NUP210L: variants seen among roughly 807,000 people sequenced by gnomAD.
NUP210L encodes the protein nuclear pore membrane glycoprotein 210-like.
NUP210L carries 74 observed loss-of-function variants against 208.5 expected under a neutral mutation model. The ratio of observed to expected loss-of-function variants is 0.35; its 90% CI spans 0.29 to 0.43. The LOEUF is 0.43. Ranked by LOEUF, NUP210L falls within the 20% of genes least tolerant of loss-of-function variation. The pLI is 1.00. For missense variants in NUP210L, 1,843 were observed against 2,289.4 expected, an observed-to-expected ratio of 0.81 and a Z score of 3.98; for synonymous variants, 780 against 816.9, an observed-to-expected ratio of 0.95 and a Z score of 0.77.
At chr1:154,014,421 T>C (rs966434109) in intron 33 of NUP210L, among the ~76,000 whole-genome samples, 61 of 152,070 alleles carry the variant, frequency 4.0e-4, no homozygotes, top group Admixed American at 2.0e-4. Flanking sequence ...CCCTTCTCAG[T>C]CTCTTTTTCT....
chr1:154,034,591 A>G (rs1175435847), intron 27 of NUP210L, among the ~76,000 whole-genome samples: 1 of 152,120 alleles, frequency 6.6e-6, no homozygotes, highest in African/African-American at 2.4e-5. Flanking sequence ...GGCCTCCCAA[A>G]GTGCTGGGAT....
intron 37 of NUP210L, among the ~76,000 whole-genome samples, chr1:153,999,459 C>T (rs937828617): frequency 1.3e-5 from 2 of 152,040 alleles, no homozygotes; most frequent in Non-Finnish European, 2.9e-5. Context: ...TAAGATTGGC[C>T]GGGTGCGGTG....
At chr1:154,100,168 G>A in intron 13 of NUP210L, 25 bp from the exon 14 acceptor site, 1 of 1,612,618 alleles carries the variant, frequency 6.2e-7, no homozygotes, top group Admixed American at 1.7e-5. Flanking sequence ...CCATGATTTT[G>A]GCAGGGCGTG....
chr1:154,056,313 CAT>C (rs949264004), intron 23 of NUP210L, among the ~76,000 whole-genome samples: 7 of 152,138 alleles, frequency 4.6e-5, no homozygotes, highest in Non-Finnish European at 8.8e-5. Context: ...CACCACTACA[CAT>C]GTTTTTCCAA....
chr1:154,104,669 T>A (rs1157100465), intron 12 of NUP210L: 2 of 152,774 alleles, frequency 1.3e-5, no homozygotes, highest in African/African-American at 4.8e-5. Flanking sequence ...GGAAGGAGCA[T>A]TTAGACCAGC....
chr1:154,153,891 T>A (rs1659544849), intron 1 of NUP210L, among the ~76,000 whole-genome samples: 1 of 151,986 alleles, frequency 6.6e-6, no homozygotes, highest in African/African-American at 2.4e-5. Flanking sequence ...AAATGAGAGG[T>A]GAATTTATAC....
At chr1:154,030,007 A>G (rs1227245839) in exon 28 of NUP210L, 3 of 1,610,770 alleles carry the variant, frequency 1.9e-6, no homozygotes, top group Non-Finnish European at 2.5e-6. Flanking sequence ...CTGCTTTTGT[A>G]TGGACAACCA....
At chr1:154,131,392 C>A (rs942985926) in intron 7 of NUP210L, among the ~76,000 whole-genome samples, 1 of 152,028 alleles carries the variant, frequency 6.6e-6, no homozygotes, top group Admixed American at 6.6e-5. Flanking sequence ...CTTCTGATAT[C>A]GGAATAAGAT....
chr1:154,049,232 G>C (rs937485744), intron 25 of NUP210L, among the ~76,000 whole-genome samples: 1 of 152,072 alleles, frequency 6.6e-6, no homozygotes, highest in Non-Finnish European at 1.5e-5. Flanking sequence ...GACAACCTGG[G>C]ACTATTCAAC....
chr1:153,994,337 C>T (rs192562373), intron 38 of NUP210L, among the ~76,000 whole-genome samples: 11 of 150,998 alleles, frequency 7.3e-5, no homozygotes, highest in East Asian at 5.9e-4. Context: ...TTTTTTGAAA[C>T]GGAGTCTTGC....
intron 33 of NUP210L, among the ~76,000 whole-genome samples, chr1:154,015,769 T>G (rs1195609701): frequency 6.6e-6 from 1 of 150,442 alleles, no homozygotes; most frequent in African/African-American, 2.4e-5. Context: ...ATTAGCCGAG[T>G]GTGGTGGTGT....
chr1:154,139,700 A>AAC lies in NUP210L; in HGVS notation c.717+101_717+102insGT. On this transcript the variant is annotated intron_variant, in intron 5 of 39. Transcript: ENST00000368559. ...CAAACAAACAAACAAAAAAAAAAAAAAAACAGGGCGGGTAGTGCATTCTTG... is the reference window on the plus strand; with the variant it reads ...CAAACAAACAAACAAAAAAAAAAAAAACAAACAGGGCGGGTAGTGCATTCTTG... The AAC allele has an allele frequency of 5.7e-6, 5 of 883,376 alleles. No homozygotes were observed. In the South Asian group the frequency reaches 9.0e-5, roughly 16 times the overall value. 54.7% of individuals were successfully genotyped at this position (883,376 alleles called of 1,614,324 possible).
At chr1:154,126,538 C>G (rs1274154448) in intron 9 of NUP210L, 75 bp from the exon 10 acceptor site, 1 of 1,293,332 alleles carries the variant, frequency 7.7e-7, no homozygotes, top group Non-Finnish European at 1.1e-6. Context: ...CCCAAAGCAT[C>G]TATAAAACTG....
chr1:154,005,430 C>T lies in NUP210L; in HGVS notation c.4931-3445G>A, dbSNP rs570237191. 4.6e-5 allele frequency among the ~76,000 whole-genome samples: 7 copies of T among 151,424 alleles called. No individual in the cohort carries two copies. In the South Asian group the frequency reaches 6.3e-4, roughly 14 times the overall value. On this transcript the variant is annotated intron_variant, in intron 35 of 39. Transcript: ENST00000368559. Reference sequence around the variant, plus strand: ...TTTTCGTAGATTCGGGGTTTCACCACGTTGGCCAGGCTGGTCTTGAACTCC... The same window carrying T: ...TTTTCGTAGATTCGGGGTTTCACCATGTTGGCCAGGCTGGTCTTGAACTCC...
At chr1:153,993,121 T>C (rs1649572504) in intron 38 of NUP210L, 32 bp from the exon 39 acceptor site, 2 of 1,552,094 alleles carry the variant, frequency 1.3e-6, no homozygotes, top group African/African-American at 2.7e-5. Flanking sequence ...TCACAAGGCA[T>C]ATCTGAGGAA....
intron 12 of NUP210L, among the ~76,000 whole-genome samples, chr1:154,109,214 A>G (rs1557982636): frequency 1.3e-5 from 2 of 151,758 alleles, no homozygotes. Flanking sequence ...TTCCATGCCA[A>G]TGGAAACCAA....
intron 24 of NUP210L, 40 bp downstream of exon 24, chr1:154,054,730 G>C: frequency 7.3e-7 from 1 of 1,375,556 alleles, no homozygotes; most frequent in Non-Finnish European, 1.0e-6. Context: ...GAGAGGTAAG[G>C]AGAAAAGGTA....
chr1:154,144,773 TG>T (rs1659036047), intron 2 of NUP210L, among the ~76,000 whole-genome samples: 1 of 152,218 alleles, frequency 6.6e-6, no homozygotes, highest in Non-Finnish European at 1.5e-5. Flanking sequence ...GGATAAACTC[TG>T]TCCCTAACCA....
chr1:154,103,439 G>A (rs1445520557), intron 13 of NUP210L, among the ~76,000 whole-genome samples: 4 of 151,124 alleles, frequency 2.6e-5, no homozygotes, highest in Non-Finnish European at 4.4e-5. Flanking sequence ...TTGGGAGGCC[G>A]AGGCGGGCGG....
Sources: allele counts gnomAD v4.1 joint callset (sites outside exome capture counted in the v4.1 genomes callset), GRCh38; gene constraint gnomAD v4.1.1; transcripts MANE v1.5; gene names NCBI Gene and HGNC (gene_info 2026-07-23, HGNC 2026-07-21).